The following MAST4 variants were observed in gnomAD, a reference collection of about 807,000 sequenced individuals.
The protein encoded by MAST4 is microtubule-associated serine/threonine-protein kinase 4.
A neutral mutation model predicts 162.7 loss-of-function variants in MAST4; 89 were observed. The observed-to-expected ratio is 0.55, with a 90% confidence interval of 0.46 to 0.65. The LOEUF is 0.65. Among genes scored for constraint, MAST4 ranks in the 30% least tolerant of loss-of-function variants. The pLI is 0.00. For synonymous variants in MAST4, 1,479 were observed against 1,361.1 expected (o/e 1.09, Z -1.91); for missense variants, 3,153 against 3,374.0 (o/e 0.93, Z 1.62).
chr5:67,118,456 G>A (rs1412216245), intron 12 of MAST4, among the ~76,000 whole-genome samples: 1 of 152,168 alleles, frequency 6.6e-6, no homozygotes, highest in East Asian at 1.9e-4. Flanking sequence ...AAGTTCCTAT[G>A]TCTAGGTGTT....
intron 1 of MAST4, among the ~76,000 whole-genome samples, chr5:66,609,997 A>G (rs532857232): frequency 6.6e-6 from 1 of 152,254 alleles, no homozygotes; most frequent in East Asian, 1.9e-4. Context: ...TTAGAAGTCC[A>G]AAATCAGGGT....
chr5:66,654,201 A>G (rs988419438), intron 1 of MAST4, among the ~76,000 whole-genome samples: 3 of 152,220 alleles, frequency 2.0e-5, no homozygotes, highest in Non-Finnish European at 2.9e-5. Context: ...TCTGAGGAGT[A>G]ATGTTTAATA....
Position 66,596,772 on chromosome 5 carries a change from C to T in MAST4, c.117C>T (p.Ala39=), listed in dbSNP as rs1401891435. ...CGTCCTCTCCGGGTGCTTCCTCGGCCGAGTCCTCCTCGGGCTCAGAAACTC... is the reference window on the plus strand; with the variant it reads ...CGTCCTCTCCGGGTGCTTCCTCGGCTGAGTCCTCCTCGGGCTCAGAAACTC... The part of the protein sequence containing the change: ...VAASSPGASS[A]ESSSGSETLS... The change falls in exon 1 of 29, where the codon GCC becomes GCT. Residue 39 remains alanine (A), a synonymous_variant. Coordinates refer to ENST00000403625, the MANE Select transcript of MAST4 (RefSeq NM_001164664.2). 2.9e-6 allele frequency: 4 copies of T among 1,387,724 alleles called. No individual in the cohort carries two copies. The highest frequency in any genetic ancestry group is 3.7e-6 in the Non-Finnish European group (4 of 1,068,272). 86.0% of individuals were successfully genotyped at this position (1,387,724 alleles called of 1,614,324 possible). A position where few individuals can be genotyped will look rare whatever the true frequency, so the allele number is the denominator to read the frequency against.
chr5:66,691,967 A>G (rs1361558374), intron 1 of MAST4, among the ~76,000 whole-genome samples: 1 of 152,150 alleles, frequency 6.6e-6, no homozygotes, highest in African/African-American at 2.4e-5. Context: ...GATTCTCCCC[A>G]GGGCAAGAAT....
At chr5:66,875,753 AT>A (rs1234509538) in intron 3 of MAST4, among the ~76,000 whole-genome samples, 14 of 152,042 alleles carry the variant, frequency 9.2e-5, no homozygotes, top group African/African-American at 3.1e-4. Context: ...AGTTCTATGT[AT>A]TTTTTTTATT....
intron 1 of MAST4, among the ~76,000 whole-genome samples, chr5:66,642,029 A>G (rs1202415808): frequency 1.3e-5 from 2 of 152,210 alleles, no homozygotes; most frequent in African/African-American, 2.4e-5. Flanking sequence ...CGTTTTGCAC[A>G]CCCTAATAAA....
At chr5:66,670,423 AG>A (rs1296147612) in intron 1 of MAST4, among the ~76,000 whole-genome samples, 1 of 152,116 alleles carries the variant, frequency 6.6e-6, no homozygotes, top group Non-Finnish European at 1.5e-5. Flanking sequence ...CTTTTCTCTT[AG>A]GTGAATTGAT....
intron 3 of MAST4, among the ~76,000 whole-genome samples, chr5:66,858,968 G>C (rs1759885547): frequency 6.6e-6 from 1 of 151,858 alleles, no homozygotes; most frequent in African/African-American, 2.4e-5. Flanking sequence ...GTTATTACTA[G>C]TATATATAAA....
In MAST4 at chr5:67,104,528, C is replaced by G. The variant is rs775033679; in HGVS notation, c.1309C>G (p.Arg437Gly). 2.9e-5 allele frequency: 47 copies of G among 1,613,648 alleles called. No individual in the cohort carries two copies. Among genetic ancestry groups the G allele is most frequent in the African/African-American group, 6.7e-5 (5 of 74,896 alleles). The change falls in exon 10 of 29, where the codon CGA becomes GGA. Residue 437 changes from arginine (R) to glycine (G), a missense_variant. Arg to Gly is a moderately radical substitution (Grantham distance 125). This residue lies in a region of MAST4 where 360 missense variants were observed against 450.0 expected (regional missense o/e 0.80). Transcript: ENST00000403625. ...ATCCCACCAGGGCCTCATCACCTCA[C>G]GATACTTCCTTGAATTACAGCACAA... ...DKSHQGLITS[R>G]YFLELQHKLD...
intron 2 of MAST4, among the ~76,000 whole-genome samples, chr5:66,766,034 G>A (rs1354606336): frequency 2.6e-5 from 4 of 152,172 alleles, no homozygotes; most frequent in Admixed American, 1.3e-4. Flanking sequence ...ATGAGGAAGT[G>A]CAGCATTATT....
At chr5:66,809,345 C>G (rs1756361702) in intron 3 of MAST4, among the ~76,000 whole-genome samples, 1 of 152,168 alleles carries the variant, frequency 6.6e-6, no homozygotes, top group Non-Finnish European at 1.5e-5. Flanking sequence ...AATGGTCACC[C>G]ATGTCACCAT....
intron 3 of MAST4, among the ~76,000 whole-genome samples, chr5:66,826,388 C>T (rs1757256974): frequency 6.6e-6 from 1 of 151,888 alleles, no homozygotes; most frequent in Admixed American, 6.6e-5. Flanking sequence ...TCACTCCCAC[C>T]ACCTCCCAAA....
intron 3 of MAST4, among the ~76,000 whole-genome samples, chr5:66,885,735 G>A (rs952677667): frequency 6.6e-5 from 10 of 152,120 alleles, no homozygotes; most frequent in Non-Finnish European, 4.4e-5. Flanking sequence ...CATTGAAGTA[G>A]GCTTAGATAA....
intron 7 of MAST4, among the ~76,000 whole-genome samples, chr5:67,098,175 T>G (rs1436936494): frequency 6.6e-6 from 1 of 152,180 alleles, no homozygotes; most frequent in Non-Finnish European, 1.5e-5. Flanking sequence ...GTTGTCTGAG[T>G]GCCAGACTGA....
intron 3 of MAST4, among the ~76,000 whole-genome samples, chr5:66,837,052 G>GTA (rs1554057336): frequency 1.3e-5 from 2 of 152,032 alleles, no homozygotes; most frequent in South Asian, 2.1e-4. Flanking sequence ...GTGTGTGTGT[G>GTA]TATGTATACT....
intron 4 of MAST4, among the ~76,000 whole-genome samples, chr5:67,025,514 A>G (rs1434123767): frequency 6.6e-6 from 1 of 152,172 alleles, no homozygotes; most frequent in Non-Finnish European, 1.5e-5. Context: ...GGAAGTCCAC[A>G]GACTCCAGGT....
chr5:66,879,538 C>T (rs34216209), intron 3 of MAST4, among the ~76,000 whole-genome samples: 2,109 of 152,182 alleles, frequency 0.014, 22 homozygotes, highest in South Asian at 0.05. Context: ...GACAAAGTCT[C>T]ACTCTCTCAC....
chr5:67,165,143 G>A lies in MAST4; in HGVS notation c.5964G>A (p.Ala1988=), dbSNP rs1338977048. The A allele has an allele frequency of 6.3e-7, 1 of 1,592,926 alleles. No homozygotes were observed. Among genetic ancestry groups the A allele is most frequent in the Non-Finnish European group, 8.6e-7 (1 of 1,169,552 alleles). The change falls in exon 29 of 29, where the codon GCG becomes GCA. Residue 1988 remains alanine, a synonymous_variant. Coordinates refer to ENST00000403625, the MANE Select transcript of MAST4 (RefSeq NM_001164664.2). ...CAGCCAGAAGCGAGCGCTCTGCTGC[G>A]AGGGCTGACACATGCAGAGAGCCCT... The part of the protein sequence containing the change: ...PPTARSERSA[A]RADTCREPSM...
intron 2 of MAST4, among the ~76,000 whole-genome samples, chr5:66,769,404 A>G (rs1561318622): frequency 6.6e-6 from 1 of 152,130 alleles, no homozygotes; most frequent in Non-Finnish European, 1.5e-5. Context: ...AGTTTGACTT[A>G]ACCAGCCCCT....
Sources: allele counts gnomAD v4.1 joint callset (sites outside exome capture counted in the v4.1 genomes callset), GRCh38; gene constraint gnomAD v4.1.1; regional missense constraint gnomAD v4.1.1; transcripts MANE v1.5; gene names NCBI Gene and HGNC (gene_info 2026-07-23, HGNC 2026-07-21).